Variants in ZBBX observed in about 807,000 individuals in gnomAD.
ZBBX encodes zinc finger B-box domain-containing protein 1.
ZBBX carries 101 observed loss-of-function variants against 108.5 expected under a neutral mutation model. The observed-to-expected ratio is 0.93, with a 90% CI of 0.79 to 1.10. The LOEUF (loss-of-function observed/expected upper bound fraction) is 1.10. Among genes scored for constraint, ZBBX ranks in the 50% least tolerant of loss-of-function variants. The pLI is 0.00. For missense variants in ZBBX, 1,009 were observed against 941.4 expected (o/e 1.07, Z -0.94); for synonymous variants, 356 against 323.4 (o/e 1.10, Z -1.08).
Position 167,317,587 on chromosome 3 carries a change from C to A in ZBBX, c.994G>T (p.Glu332Ter). 1.2e-6 allele frequency: 2 copies of A among 1,606,594 alleles called. No homozygotes were observed. Among genetic ancestry groups the A allele is most frequent in the Non-Finnish European group, 1.7e-6 (2 of 1,176,316 alleles). Reference protein sequence around the residue: ...WLKKHRRTPQEQLFKMLPDTF... With the variant: ...WLKKHRRTPQ ...TCTGGTAGCATTTTAAAAAGTTGCT[C>A]TTGTGGAGTTCTACAAAATAAGAAA... Residue 332 changes from glutamate (E) to a stop codon, truncating the protein, a stop_gained, in exon 13 of 22, where the codon GAG (glutamate) becomes TAG (stop). Coordinates refer to ENST00000675490, the MANE Select transcript of ZBBX (RefSeq NM_001199201.2). LOFTEE classifies it high-confidence loss of function.
chr3:167,330,871 G>A (rs9815512), intron 10 of ZBBX, among the ~76,000 whole-genome samples: 4,469 of 43,086 alleles, frequency 0.1, 364 homozygotes, highest in Middle Eastern at 0.21. Flanking sequence ...GGAGGAGGAG[G>A]AGAAGAAGAA....
At chr3:167,343,662 C>T (rs997971328) in intron 9 of ZBBX, among the ~76,000 whole-genome samples, 4 of 151,778 alleles carry the variant, frequency 2.6e-5, no homozygotes, top group African/African-American at 9.7e-5. Context: ...CAAACCAAAC[C>T]ACGATGTGCT....
At chr3:167,325,834 C>T (rs12486627) in intron 11 of ZBBX, among the ~76,000 whole-genome samples, 56,744 of 151,952 alleles carry the variant, frequency 0.37, 11,192 homozygotes, top group Non-Finnish European at 0.45. Flanking sequence ...ATATTGTCTA[C>T]TTCACAAATA....
intron 9 of ZBBX, among the ~76,000 whole-genome samples, chr3:167,344,938 C>T (rs193155388): frequency 5.9e-5 from 9 of 151,822 alleles, no homozygotes; most frequent in African/African-American, 7.2e-5. Flanking sequence ...AGGGAAAGGG[C>T]GAGAAAGTTA....
At chr3:167,226,030 G>A in the ZBBX span, among the ~76,000 whole-genome samples, 1 of 149,834 alleles carries the variant, frequency 6.7e-6, no homozygotes, top group Non-Finnish European at 1.5e-5. Flanking sequence ...CATTCCCTTG[G>A]TCCAGCACAA....
chr3:167,195,571 C>T, the ZBBX span, among the ~76,000 whole-genome samples: 1 of 152,096 alleles, frequency 6.6e-6, no homozygotes, highest in African/African-American at 2.4e-5. Context: ...TTAAACGAAA[C>T]CATTTTTCTT....
rs1262415750 is a variant in ZBBX, at chr3:167,322,128, T to C, written c.972A>G (p.Lys324=). 1.2e-5 allele frequency: 16 copies of C among 1,308,840 alleles called. No individual in the cohort carries two copies. The highest frequency in any genetic ancestry group is 2.1e-5 in the South Asian group (1 of 48,352). The allele number at this position is 1,308,840 out of a possible 1,614,324, so 81.1% of individuals were successfully genotyped here. ...ILSYMEKLWL[K]KHRRTPQEQL... is the part of the protein sequence containing the mutation. The stretch of plus-strand genomic sequence containing the variant: ...ATTTCAGAAAATACCTCCTGTGTTT[T>C]TTAAGCCATAATTTTTCCATATAGG... Residue 324 remains lysine (K), a synonymous_variant, in exon 12 of 22, where the codon AAA becomes AAG. Coordinates refer to ENST00000675490, the MANE Select transcript of ZBBX (RefSeq NM_001199201.2).
intron 13 of ZBBX, 108 bp from the exon 14 acceptor site, chr3:167,317,213 C>A: frequency 1.4e-6 from 1 of 705,662 alleles, no homozygotes; most frequent in South Asian, 2.3e-5. Context: ...TGTGTATCTA[C>A]ACAAAAATAC....
chr3:167,319,083 C>T (rs113075831), intron 12 of ZBBX, among the ~76,000 whole-genome samples: 106 of 151,982 alleles, frequency 7.0e-4, no homozygotes, highest in African/African-American at 2.5e-3. Context: ...ACCATATAGC[C>T]CACCTATCAC....
At chr3:167,186,870 A>G in the ZBBX span, among the ~76,000 whole-genome samples, 4 of 152,106 alleles carry the variant, frequency 2.6e-5, no homozygotes, top group African/African-American at 9.7e-5. Flanking sequence ...TATTTTGCTG[A>G]TTTTTGTTGC....
At chr3:167,338,410 A>G (rs1297925950) in intron 9 of ZBBX, among the ~76,000 whole-genome samples, 2 of 152,142 alleles carry the variant, frequency 1.3e-5, no homozygotes, top group Non-Finnish European at 2.9e-5. Context: ...AAAATGATAT[A>G]CTTTATGGTA....
intron 8 of ZBBX, among the ~76,000 whole-genome samples, chr3:167,357,995 G>A (rs1251095472): frequency 6.6e-6 from 1 of 152,074 alleles, no homozygotes; most frequent in Non-Finnish European, 1.5e-5. Context: ...ATGGACACAA[G>A]AAGGGGAACA....
rs143838639 is a variant in ZBBX, at chr3:167,269,230, G to A, written c.2254+13008C>T. Among the ~76,000 whole-genome samples, 484 of 152,226 alleles carry A rather than the reference G, an allele frequency of 3.2e-3. 4 individuals are homozygous for A. Among genetic ancestry groups the A allele is most frequent in the African/African-American group, 0.011 (452 of 41,520 alleles). The stretch of plus-strand genomic sequence containing the variant: ...TTTCTAGTCGATTCAGGGGCCGCTC[G>A]CTCCTCTGTTTCCCTCTATCTGACA... On this transcript the variant is annotated intron_variant, in intron 20 of 21. Coordinates refer to ENST00000675490, the MANE Select transcript of ZBBX (RefSeq NM_001199201.2).
the ZBBX span, among the ~76,000 whole-genome samples, chr3:167,218,448 A>G: frequency 6.6e-6 from 1 of 152,172 alleles, no homozygotes; most frequent in South Asian, 2.1e-4. Flanking sequence ...AAAAATATTA[A>G]TAGAAACAAC....
At chr3:167,293,127 A>G (rs545070476) in intron 18 of ZBBX, among the ~76,000 whole-genome samples, 20 of 152,228 alleles carry the variant, frequency 1.3e-4, no homozygotes, top group Non-Finnish European at 2.9e-5. Context: ...AGGTACAAAG[A>G]GGAGCTGGTA....
At chr3:167,322,391 T>C (rs1425589296) in intron 11 of ZBBX, among the ~76,000 whole-genome samples, 154 bp from the exon 12 acceptor site, 1 of 152,042 alleles carries the variant, frequency 6.6e-6, no homozygotes, top group African/African-American at 2.4e-5. Flanking sequence ...AATGCAAAAG[T>C]ATTAAATATT....
intron 20 of ZBBX, among the ~76,000 whole-genome samples, chr3:167,245,815 ACTT>A (rs1334742762): frequency 2.0e-5 from 3 of 150,906 alleles, no homozygotes; most frequent in South Asian, 2.1e-4. Context: ...AGCCAATTAA[ACTT>A]CTTTTTTTTT....
At chr3:167,344,642 G>A (rs1368643424) in intron 9 of ZBBX, among the ~76,000 whole-genome samples, 1 of 151,564 alleles carries the variant, frequency 6.6e-6, no homozygotes, top group Non-Finnish European at 1.5e-5. Context: ...CTTTTTGGTG[G>A]TATTCTTGCA....
chr3:167,197,596 A>T, the ZBBX span, among the ~76,000 whole-genome samples: 1 of 152,198 alleles, frequency 6.6e-6, no homozygotes, highest in Admixed American at 6.6e-5. Flanking sequence ...TCAGTATATT[A>T]AATTACATAG....
Sources: allele counts gnomAD v4.1 joint callset (sites outside exome capture counted in the v4.1 genomes callset), GRCh38; gene constraint gnomAD v4.1.1; transcripts MANE v1.5; gene names NCBI Gene and HGNC (gene_info 2026-07-23, HGNC 2026-07-21).